Variants in RIMS2 observed in about 807,000 individuals in gnomAD.
The protein encoded by RIMS2 is regulating synaptic membrane exocytosis protein 2.
Under a neutral mutation model 174.4 loss-of-function variants are expected in RIMS2, and 59 were observed. The ratio of observed to expected loss-of-function variants is 0.34; its 90% confidence interval spans 0.27 to 0.42. The LOEUF is 0.42. Ranked by LOEUF, RIMS2 falls within the 10% of genes least tolerant of loss-of-function variation. RIMS2 has a pLI of 1.00. For missense variants in RIMS2, 1,620 were observed against 1,666.3 expected (o/e 0.97, Z 0.48); for synonymous variants, 606 against 572.5 (o/e 1.06, Z -0.84).
intron 19 of RIMS2, among the ~76,000 whole-genome samples, chr8:104,118,467 A>G (rs1238613265): frequency 6.6e-6 from 1 of 151,214 alleles, no homozygotes; most frequent in Non-Finnish European, 1.5e-5. Context: ...CCCAGGTTCA[A>G]GCAATTCTTT....
intron 19 of RIMS2, among the ~76,000 whole-genome samples, chr8:104,141,864 T>C (rs1307301906): frequency 3.3e-5 from 5 of 152,182 alleles, no homozygotes; most frequent in Non-Finnish European, 5.9e-5. Context: ...CCTTATTTAA[T>C]GTTGTTGCCA....
chr8:104,045,101 T>C (rs932197116), intron 19 of RIMS2, among the ~76,000 whole-genome samples: 7 of 151,902 alleles, frequency 4.6e-5, no homozygotes, highest in African/African-American at 1.7e-4. Context: ...CCAATTAATA[T>C]GCAAGTTGGT....
intron 16 of RIMS2, among the ~76,000 whole-genome samples, chr8:103,983,817 C>A (rs2094124873): frequency 6.6e-6 from 1 of 152,062 alleles, no homozygotes; most frequent in Non-Finnish European, 1.5e-5. Context: ...ATTCAAGAAA[C>A]CCCCTGAGAC....
chr8:104,195,785 T>C (rs1200222366), intron 19 of RIMS2, among the ~76,000 whole-genome samples: 1 of 152,154 alleles, frequency 6.6e-6, no homozygotes, highest in Non-Finnish European at 1.5e-5. Context: ...AGTACTGGGA[T>C]TACAGGCATG....
At chr8:104,087,505 A>G (rs561478089) in intron 19 of RIMS2, among the ~76,000 whole-genome samples, 1 of 152,208 alleles carries the variant, frequency 6.6e-6, no homozygotes, top group African/African-American at 2.4e-5. Flanking sequence ...TGAAGGAGTT[A>G]AGGAAGACTT....
chr8:103,769,820 C>G (rs951517602), intron 3 of RIMS2, among the ~76,000 whole-genome samples: 2 of 152,122 alleles, frequency 1.3e-5, no homozygotes, highest in African/African-American at 4.8e-5. Context: ...CTAATAAATT[C>G]GTGCTTAATG....
At chr8:104,220,101 C>G (rs2099148378) in intron 19 of RIMS2, among the ~76,000 whole-genome samples, 1 of 152,058 alleles carries the variant, frequency 6.6e-6, no homozygotes, top group South Asian at 2.1e-4. Context: ...AGTTGTCATT[C>G]AAGACTAGAA....
At chr8:103,957,618 G>C (rs2087886967) in intron 14 of RIMS2, among the ~76,000 whole-genome samples, 1 of 152,156 alleles carries the variant, frequency 6.6e-6, no homozygotes, top group South Asian at 2.1e-4. Context: ...GGAGTGAGGG[G>C]CTAGAGGAGG....
intron 6 of RIMS2, among the ~76,000 whole-genome samples, chr8:103,913,709 A>C (rs1483808709): frequency 1.3e-5 from 2 of 152,078 alleles, no homozygotes; most frequent in Non-Finnish European, 2.9e-5. Context: ...TCAAAGGTGA[A>C]GGGAGAGTAC....
intron 22 of RIMS2, among the ~76,000 whole-genome samples, chr8:104,250,096 T>C (rs375555585): frequency 1.2e-4 from 18 of 152,368 alleles, no homozygotes; most frequent in African/African-American, 3.8e-4. Context: ...TAACTTCTTA[T>C]GCTACATATT....
intron 16 of RIMS2, chr8:103,977,533 G>T (rs887327951): frequency 3.3e-5 from 5 of 152,214 alleles, no homozygotes; most frequent in African/African-American, 9.7e-5. Context: ...GAACAGATTT[G>T]TGGGGATTTT....
chr8:103,816,548 G>A (rs993525426), intron 3 of RIMS2, among the ~76,000 whole-genome samples: 3 of 152,144 alleles, frequency 2.0e-5, no homozygotes, highest in East Asian at 1.9e-4. Flanking sequence ...TAAGCACAGG[G>A]TATAATGAGA....
intron 19 of RIMS2, among the ~76,000 whole-genome samples, chr8:104,067,958 T>C (rs2097133642): frequency 6.6e-6 from 1 of 152,176 alleles, no homozygotes; most frequent in South Asian, 2.1e-4. Context: ...AGCAGTATTA[T>C]TACAAGAACC....
intron 16 of RIMS2, among the ~76,000 whole-genome samples, chr8:103,978,846 C>G (rs961436381): frequency 6.6e-6 from 1 of 152,052 alleles, no homozygotes; most frequent in Non-Finnish European, 1.5e-5. Context: ...ATTTATTGTG[C>G]GACTCAAATA....
At chr8:103,832,815 A>G (rs1236905434) in intron 3 of RIMS2, among the ~76,000 whole-genome samples, 4 of 152,196 alleles carry the variant, frequency 2.6e-5, no homozygotes, top group Non-Finnish European at 5.9e-5. Flanking sequence ...TTCACAATCT[A>G]TTTACAATCA....
intron 23 of RIMS2, 46 bp downstream of exon 29, chr8:104,251,209 T>C (rs752506662): frequency 8.1e-6 from 12 of 1,490,024 alleles, no homozygotes; most frequent in Non-Finnish European, 1.1e-5. Flanking sequence ...GTATTTTTCA[T>C]GGGGTCAGAC....
chr8:104,190,850 C>A (rs1193437732), intron 19 of RIMS2, among the ~76,000 whole-genome samples: 3 of 151,900 alleles, frequency 2.0e-5, no homozygotes, highest in Admixed American at 2.0e-4. Flanking sequence ...TTATTGATAA[C>A]AGGTTGCAAA....
At chr8:104,239,238 G>A (rs1273683047) in intron 19 of RIMS2, among the ~76,000 whole-genome samples, 2 of 152,168 alleles carry the variant, frequency 1.3e-5, no homozygotes, top group African/African-American at 4.8e-5. Flanking sequence ...ATTATTAGGG[G>A]AAACTGACCC....
chr8:103,702,030 C>T (rs535230596), intron 2 of RIMS2, among the ~76,000 whole-genome samples: 4 of 152,174 alleles, frequency 2.6e-5, no homozygotes, highest in African/African-American at 9.6e-5. Context: ...TCCATAGTGG[C>T]TATACTAATT....
Sources: allele counts gnomAD v4.1 joint callset (sites outside exome capture counted in the v4.1 genomes callset), GRCh38; gene constraint gnomAD v4.1.1; transcripts MANE v1.5; gene names NCBI Gene and HGNC (gene_info 2026-07-23, HGNC 2026-07-21).